Variants in ARL15 observed in about 807,000 individuals in gnomAD.
ARL15 encodes ADP-ribosylation factor-like protein 15.
ARL15 carries 19 observed loss-of-function variants against 25.2 expected under a neutral mutation model. The ratio of observed to expected loss-of-function variants is 0.75; its 90% confidence interval spans 0.53 to 1.10. The LOEUF (loss-of-function observed/expected upper bound fraction) is 1.10, where lower values mean the gene tolerates loss of function less well. ARL15 is among the 50% of genes least tolerant of loss of function. The probability of loss-of-function intolerance (pLI) is 0.00; values close to 1 mark genes in which losing one functional copy is unlikely to be tolerated. For synonymous variants in ARL15, 94 were observed against 86.8 expected, an observed-to-expected ratio of 1.08 and a Z score of -0.46; for missense variants, 220 against 246.0, an observed-to-expected ratio of 0.89 and a Z score of 0.71.
At chr5:54,036,653 G>A (rs2111922697) in intron 4 of ARL15, among the ~76,000 whole-genome samples, 1 of 152,212 alleles carries the variant, frequency 6.6e-6, no homozygotes, top group South Asian at 2.1e-4. Context: ...GATACTTAAT[G>A]TGGCAGATGG....
At chr5:53,916,560 T>G (rs775868828) in intron 4 of ARL15, among the ~76,000 whole-genome samples, 3 of 152,002 alleles carry the variant, frequency 2.0e-5, no homozygotes, top group Admixed American at 6.6e-5. Context: ...ACACAAAGTA[T>G]TATTATTATT....
At chr5:54,225,785 T>A (rs577136567) in intron 1 of ARL15, among the ~76,000 whole-genome samples, 28 of 152,050 alleles carry the variant, frequency 1.8e-4, no homozygotes, top group East Asian at 7.7e-4. Flanking sequence ...GGGAAGCAAG[T>A]GTGAGAAGTA....
intron 4 of ARL15, among the ~76,000 whole-genome samples, chr5:53,919,786 C>T (rs1376550814): frequency 6.6e-6 from 1 of 152,180 alleles, no homozygotes; most frequent in Non-Finnish European, 1.5e-5. Context: ...TCACTCGTTT[C>T]TCATAGCAAC....
chr5:54,279,910 A>G (rs1050231870), intron 1 of ARL15, among the ~76,000 whole-genome samples: 1 of 152,232 alleles, frequency 6.6e-6, no homozygotes, highest in Admixed American at 6.5e-5. Flanking sequence ...GAGAAGCACA[A>G]CTAACTGCCG....
chr5:54,244,444 G>A (rs1757032731), intron 1 of ARL15, among the ~76,000 whole-genome samples: 1 of 152,082 alleles, frequency 6.6e-6, no homozygotes, highest in African/African-American at 2.4e-5. Flanking sequence ...TGAACAAAAT[G>A]AATGTATTTT....
Position 54,113,194 on chromosome 5 carries a change from A to T in ARL15, c.462+8T>A. ...AAGACAAAGAGTTGTCATGCTAATG[A>T]GACATACCTCTTGTACTGAGCGAGC... On this transcript the variant is annotated splice_region_variant and intron_variant, in intron 4 of 4. Coordinates refer to ENST00000504924, the MANE Select transcript of ARL15 (RefSeq NM_019087.3). 6.2e-7 allele frequency: 1 copy of T among 1,612,252 alleles called. No homozygotes were observed. Among genetic ancestry groups the T allele is most frequent in the Non-Finnish European group, 8.5e-7 (1 of 1,179,472 alleles).
At chr5:54,296,531 G>T (rs35951) in intron 1 of ARL15, among the ~76,000 whole-genome samples, 110,806 of 152,170 alleles carry the variant, frequency 0.73, 42,054 homozygotes, top group Non-Finnish European at 0.84. Flanking sequence ...GCACCTGTCA[G>T]GTGTACTTGT....
At chr5:54,282,111 T>C (rs150104833) in intron 1 of ARL15, among the ~76,000 whole-genome samples, 1 of 152,242 alleles carries the variant, frequency 6.6e-6, no homozygotes, top group Non-Finnish European at 1.5e-5. Context: ...AGTCACAAGA[T>C]ATGCTCATGT....
intron 4 of ARL15, among the ~76,000 whole-genome samples, chr5:53,910,636 TATATATA>T (rs1561145452): frequency 0.044 from 4,815 of 109,246 alleles, 338 homozygotes; most frequent in African/African-American, 0.087. Flanking sequence ...AAAAAAATTA[TATATATA>T]TATATATATA....
intron 4 of ARL15, among the ~76,000 whole-genome samples, chr5:53,973,345 AGGTG>A (rs1340498783): frequency 6.6e-6 from 1 of 152,104 alleles, no homozygotes. Flanking sequence ...AAGCCGAGGC[AGGTG>A]GATCACCTGA....
At chr5:54,027,977 C>T (rs574120142) in intron 4 of ARL15, among the ~76,000 whole-genome samples, 116 of 151,912 alleles carry the variant, frequency 7.6e-4, no homozygotes, top group African/African-American at 2.7e-3. Context: ...AGTGCAGAGG[C>T]GTGATCGTGG....
chr5:54,079,141 G>A (rs1200621564), intron 4 of ARL15, among the ~76,000 whole-genome samples: 3 of 152,076 alleles, frequency 2.0e-5, no homozygotes, highest in African/African-American at 7.2e-5. Flanking sequence ...TCAGATGCTG[G>A]AATAGTCATA....
chr5:53,890,195 C>T (rs185525428), intron 4 of ARL15, among the ~76,000 whole-genome samples: 167 of 152,264 alleles, frequency 1.1e-3, no homozygotes, highest in African/African-American at 3.8e-3. Context: ...GTAACAATTA[C>T]AGTCACATTT....
rs72754235 is a variant in ARL15 at position 54,239,386 on chromosome 5, T to C, written c.49-67458A>G. Among the ~76,000 whole-genome samples, 1,481 of 152,258 alleles carry C rather than the reference T, an allele frequency of 9.7e-3. 8 individuals are homozygous for C. Among genetic ancestry groups the C allele is most frequent in the Middle Eastern group, 0.02 (6 of 294 alleles). On this transcript the variant is annotated intron_variant, in intron 1 of 4. Transcript: ENST00000504924. Reference sequence around the variant, plus strand: ...CTCTTTTCCACCCCCCAATTGTTAGTGTAGCTAAGATGATACACTTAAGAC... The same window carrying C: ...CTCTTTTCCACCCCCCAATTGTTAGCGTAGCTAAGATGATACACTTAAGAC...
At chr5:54,103,423 A>G (rs1434815828) in intron 4 of ARL15, among the ~76,000 whole-genome samples, 2 of 152,084 alleles carry the variant, frequency 1.3e-5, no homozygotes, top group Non-Finnish European at 2.9e-5. Context: ...ACCTTTTTTC[A>G]TGGTATCAAT....
At chr5:54,261,075 C>T (rs569650968) in intron 1 of ARL15, among the ~76,000 whole-genome samples, 1 of 152,218 alleles carries the variant, frequency 6.6e-6, no homozygotes, top group East Asian at 1.9e-4. Context: ...TGAGGGGCTG[C>T]AAGTGGGGAA....
intron 4 of ARL15, among the ~76,000 whole-genome samples, chr5:54,061,364 C>T (rs771173314): frequency 6.6e-6 from 1 of 152,162 alleles, no homozygotes; most frequent in Non-Finnish European, 1.5e-5. Flanking sequence ...AATCCCAGCA[C>T]TTTGGGAAGC....
intron 4 of ARL15, among the ~76,000 whole-genome samples, chr5:53,963,503 A>G (rs1238186608): frequency 2.6e-5 from 4 of 152,172 alleles, no homozygotes. Flanking sequence ...AGAATATAAA[A>G]TTGACTCTAA....
chr5:54,149,029 T>G (rs1332623940), intron 3 of ARL15, among the ~76,000 whole-genome samples: 1 of 152,188 alleles, frequency 6.6e-6, no homozygotes, highest in Admixed American at 6.5e-5. Flanking sequence ...ATCACTGCAG[T>G]GTGGACAACT....
Sources: gnomAD v4.1 joint callset for allele counts (sites outside exome capture counted in the v4.1 genomes callset) on GRCh38, gnomAD v4.1.1 for gene constraint, MANE v1.5 for transcripts, NCBI Gene and HGNC (gene_info 2026-07-23, HGNC 2026-07-21) for gene names.